SLC23A2: variants seen among roughly 807,000 people sequenced by gnomAD.
The protein encoded by SLC23A2 is Na(+)/L-ascorbic acid transporter 2.
In SLC23A2, 36 loss-of-function variants were observed where a neutral mutation model predicts 73.3. That is an observed-to-expected ratio of 0.49 (90% CI 0.38 to 0.65). SLC23A2 has a LOEUF of 0.65. Ranked by LOEUF, SLC23A2 falls within the 30% of genes least tolerant of loss-of-function variation. The pLI, the probability that SLC23A2 is intolerant of heterozygous loss-of-function variation, is 0.00. For missense variants in SLC23A2, 507 were observed against 841.6 expected (o/e 0.60, Z 4.92); for synonymous variants, 343 against 327.3 (o/e 1.05, Z -0.52).
intron 2 of SLC23A2, among the ~76,000 whole-genome samples, chr20:4,967,232 T>C (rs552040398): frequency 6.6e-6 from 1 of 152,318 alleles, no homozygotes; most frequent in South Asian, 2.1e-4. Flanking sequence ...AACAAAATAA[T>C]ATGTGTATTT....
At chr20:4,986,689 C>CACAGAGAG (rs71197739) in intron 1 of SLC23A2, among the ~76,000 whole-genome samples, 17 of 129,960 alleles carry the variant, frequency 1.3e-4, no homozygotes, top group Non-Finnish European at 2.5e-4. Context: ...CACACACACA[C>CACAGAGAG]AGAGATGAAT....
At chr20:4,896,314 G>A (rs1020908942) in intron 6 of SLC23A2, among the ~76,000 whole-genome samples, 10 of 152,264 alleles carry the variant, frequency 6.6e-5, no homozygotes, top group Admixed American at 3.9e-4. Context: ...GTCTGAGGCC[G>A]TGCGGAGCAG....
chr20:4,980,610 C>A (rs1373455995), intron 1 of SLC23A2, among the ~76,000 whole-genome samples: 2 of 151,720 alleles, frequency 1.3e-5, no homozygotes, highest in Admixed American at 1.3e-4. Flanking sequence ...CGGCTCACTG[C>A]AACCTCCGCC....
rs1930014478 is a variant in SLC23A2, at chr20:4,862,628, TAA to T, written c.1486+148_1486+149del. 4.6e-6 allele frequency: 3 copies of T among 653,958 alleles called. No homozygotes were observed. The African/African-American group carries it at 5.4e-5, about 12-fold the overall frequency. 40.5% of individuals were successfully genotyped at this position (653,958 alleles called of 1,614,324 possible). On this transcript the variant is annotated intron_variant, in intron 14 of 16. Coordinates refer to ENST00000338244, the MANE Select transcript of SLC23A2 (RefSeq NM_005116.6). The surrounding 1 kb of genome is among the most constrained non-coding windows in gnomAD (Gnocchi z 5.1). The stretch of plus-strand genomic sequence containing the variant: ...AATATAAATTCAACTCAGAGAGTGA[TAA>T]AAGTTTTCATTTTTTGAAGGCATAT...
Position 5,001,480 on chromosome 20 carries a change from C to G in SLC23A2, c.-356G>C, listed in dbSNP as rs1458312436. 3 of 149,854 alleles carry G rather than the reference C, an allele frequency of 2.0e-5. No individual in the cohort carries two copies. The highest frequency in any genetic ancestry group is 2.1e-4 in the South Asian group (1 of 4,816). 9.3% of individuals were successfully genotyped at this position (149,854 alleles called of 1,614,324 possible). A position where few individuals can be genotyped will look rare whatever the true frequency, so the allele number is the denominator to read the frequency against. Reference sequence around the variant, plus strand: ...CAGTGCCCGCTGCAGCCTCCGCCTCCGGTCCCCGCGACAGCCGCCTGCAAA... The same window carrying G: ...CAGTGCCCGCTGCAGCCTCCGCCTCGGGTCCCCGCGACAGCCGCCTGCAAA... On this transcript the variant is annotated 5_prime_UTR_variant, in exon 1 of 17. Transcript: ENST00000338244.
At chr20:4,932,309 C>G in intron 3 of SLC23A2, 146 bp downstream of exon 3, 1 of 635,556 alleles carries the variant, frequency 1.6e-6, no homozygotes, top group Non-Finnish European at 2.9e-6. Context: ...AGAGTTAGCC[C>G]AAAGACTATC....
At chr20:4,980,106 G>A (rs1416859178) in intron 1 of SLC23A2, among the ~76,000 whole-genome samples, 1 of 152,030 alleles carries the variant, frequency 6.6e-6, no homozygotes, top group Non-Finnish European at 1.5e-5. Flanking sequence ...ACTCAAATTG[G>A]CATAAAAAAG....
chr20:4,931,934 G>A (rs1018739716), intron 3 of SLC23A2, among the ~76,000 whole-genome samples: 4 of 152,096 alleles, frequency 2.6e-5, no homozygotes, highest in African/African-American at 4.8e-5. Flanking sequence ...TCAAGTCATC[G>A]TCCTACATCT....
At chr20:4,873,831 C>A in intron 11 of SLC23A2, 105 bp downstream of exon 11, 1 of 1,187,164 alleles carries the variant, frequency 8.4e-7, no homozygotes, top group Non-Finnish European at 1.2e-6. Flanking sequence ...ATGGCAAGGC[C>A]TTCAGGAGAC....
rs779431846 is a variant in SLC23A2, at chr20:4,857,047, C to A, written c.1878G>T (p.Val626=). ...FSYLPISPTF[V]GYTWKGLRKS... is the part of the protein sequence containing the mutation. Reference sequence around the variant, plus strand: ...TCCTGAGGCCTTTCCATGTGTAGCCCACAAAGGTTGGGCTGATGGGTAAGT... The same window carrying A: ...TCCTGAGGCCTTTCCATGTGTAGCCAACAAAGGTTGGGCTGATGGGTAAGT... Residue 626 remains valine (V), a synonymous_variant, in exon 17 of 17, where the codon GTG becomes GTT. Transcript: ENST00000338244. This position sits in a 1 kb window ranked among gnomAD's most constrained non-coding sequence, Gnocchi z 4.0. 3 of 1,614,152 alleles carry A rather than the reference C, an allele frequency of 1.9e-6. No individual in the cohort carries two copies. The highest frequency in any genetic ancestry group is 2.5e-6 in the Non-Finnish European group (3 of 1,180,020).
chr20:4,882,902 AT>A (rs1930948268), intron 9 of SLC23A2, among the ~76,000 whole-genome samples: 1 of 152,218 alleles, frequency 6.6e-6, no homozygotes. Context: ...TTCCAGAGTA[AT>A]GGAACCATAT....
At chr20:4,972,806 T>C (rs537373820) in intron 1 of SLC23A2, among the ~76,000 whole-genome samples, 2 of 151,534 alleles carry the variant, frequency 1.3e-5, no homozygotes, top group East Asian at 3.9e-4. Flanking sequence ...AGGCTGGTCT[T>C]GAACTCGACC....
At position 4,890,273 on chromosome 20, in the gene SLC23A2, C is replaced by G. The variant is rs537676333; in HGVS notation, c.483-4364G>C. Reference sequence around the variant, plus strand: ...CAGGAAAAATTTTTGAAAAATAATCCTTAAGAGATGTAACAGGTTTGGCTT... The same window carrying G: ...CAGGAAAAATTTTTGAAAAATAATCGTTAAGAGATGTAACAGGTTTGGCTT... On this transcript the variant is annotated intron_variant, in intron 6 of 16. Coordinates refer to ENST00000338244, the MANE Select transcript of SLC23A2 (RefSeq NM_005116.6). Among the ~76,000 whole-genome samples the G allele has an allele frequency of 2.6e-5, 4 of 152,190 alleles. No individual in the cohort carries two copies. In the East Asian group the frequency reaches 7.7e-4, roughly 29 times the overall value.
chr20:4,946,695 C>T (rs537473868), intron 2 of SLC23A2, among the ~76,000 whole-genome samples: 3 of 152,206 alleles, frequency 2.0e-5, no homozygotes, highest in East Asian at 1.9e-4. Context: ...GCCTGAGACA[C>T]GTCATTTTGC....
In SLC23A2 at chr20:4,959,037, C is replaced by G. The variant is rs1012767420; in HGVS notation, c.-155+11756G>C. 3.3e-5 allele frequency among the ~76,000 whole-genome samples: 5 copies of G among 151,288 alleles called. No homozygotes were observed. In the South Asian group the frequency reaches 1.0e-3, roughly 32 times the overall value. On this transcript the variant is annotated intron_variant, in intron 2 of 16. Coordinates refer to ENST00000338244, the MANE Select transcript of SLC23A2 (RefSeq NM_005116.6). ...ATCAGCCTGACCAACACAGAGAAAC[C>G]CGTCTCTACTAAAAATACAAAAAAA...
chr20:4,876,004 C>T (rs1195251852), intron 9 of SLC23A2, among the ~76,000 whole-genome samples: 2 of 152,168 alleles, frequency 1.3e-5, no homozygotes. Context: ...GTCTCCCTGC[C>T]TACTCAGGCG....
In SLC23A2 at chr20:4,883,083, G is replaced by A. The variant is rs1223583824; in HGVS notation, c.824+559C>T. Among the ~76,000 whole-genome samples, 2 of 152,120 alleles carry A rather than the reference G, an allele frequency of 1.3e-5. No individual in the cohort carries two copies. The highest frequency in any genetic ancestry group is 4.8e-5 in the African/African-American group (2 of 41,406). On this transcript the variant is annotated intron_variant, in intron 9 of 16. Coordinates refer to ENST00000338244, the MANE Select transcript of SLC23A2 (RefSeq NM_005116.6). The surrounding 1 kb of genome is among the most constrained non-coding windows in gnomAD (Gnocchi z 4.5). The stretch of plus-strand genomic sequence containing the variant: ...TTAAAGGGCAAGGGACATCTTTAAT[G>A]GATGTGACATTCTGTACAAAAGGAC...
chr20:4,963,599 G>A (rs2087426836), intron 2 of SLC23A2, among the ~76,000 whole-genome samples: 1 of 151,924 alleles, frequency 6.6e-6, no homozygotes, highest in South Asian at 2.1e-4. Context: ...TATAATTCCA[G>A]CAGTTTGGGA....
Position 4,857,137 on chromosome 20 carries a change from G to A in SLC23A2, c.1788C>T (p.Asp596=), listed in dbSNP as rs766502033. Residue 596 remains aspartate (D), a synonymous_variant, in exon 17 of 17, where the codon GAC becomes GAT. Transcript: ENST00000338244. This position sits in a 1 kb window ranked among gnomAD's most constrained non-coding sequence, Gnocchi z 4.0. The part of the protein sequence containing the change: ...KGVGKGNKSL[D]GMESYNLPFG... ...ATGGCAAATTGTACGACTCCATGCC[G>A]TCGAGTGATTTGTTCCCTTTGCCCA... 1.4e-5 allele frequency: 22 copies of A among 1,613,846 alleles called. No individual in the cohort carries two copies. The highest frequency in any genetic ancestry group is 4.5e-5 in the East Asian group (2 of 44,888).
Sources: gnomAD v4.1 joint callset for allele counts (sites outside exome capture counted in the v4.1 genomes callset) on GRCh38, gnomAD v4.1.1 for gene constraint, Gnocchi (gnomAD v3.1) non-coding constraint, MANE v1.5 for transcripts, NCBI Gene and HGNC (gene_info 2026-07-23, HGNC 2026-07-21) for gene names.